Variants in CARD6 observed in about 807,000 individuals in gnomAD.
CARD6 encodes caspase recruitment domain family member 6.
In CARD6, 27 loss-of-function variants were observed where a neutral mutation model predicts 23.6. That is an observed-to-expected ratio of 1.14 (90% CI 0.84 to 1.58). The LOEUF (loss-of-function observed/expected upper bound fraction) is 1.58. CARD6 is among the 40% of genes most tolerant of loss of function. The pLI, the probability that CARD6 is intolerant of heterozygous loss-of-function variation, is 0.00. For synonymous variants in CARD6, 397 were observed against 431.8 expected, an observed-to-expected ratio of 0.92 and a Z score of 1.00; for missense variants, 1,214 against 1,209.9, an observed-to-expected ratio of 1.00 and a Z score of -0.05.
chr5:40,843,665 A>AAACC lies in CARD6; in HGVS notation c.799_802dup (p.Ser268AsnfsTer21). The stretch of plus-strand genomic sequence containing the variant: ...GAAGAACCAAGTTATGAGGGATCAG[A>AAACC]AACCAGCCTTTCATTGGAGGAGGAA... On this transcript the variant is annotated frameshift_variant, in exon 2 of 3. Transcript: ENST00000254691. LOFTEE classifies it low-confidence loss of function (END_TRUNC). The AAACC allele has an allele frequency of 6.4e-7, 1 of 1,561,994 alleles. No individual in the cohort carries two copies. Among genetic ancestry groups the AAACC allele is most frequent in the African/African-American group, 1.4e-5 (1 of 72,462 alleles).
Position 40,853,703 on chromosome 5 carries a change from C to G in CARD6, c.2371C>G (p.Gln791Glu). ...KSFGIQSFHP[Q>E]IFYSGERFMK... ...TTTTGGTATTCAATCCTTCCATCCC[C>G]AGATATTTTATTCAGGTGAAAGATT... The change falls in exon 3 of 3, where the codon CAG becomes GAG. Residue 791 changes from glutamine (Q) to glutamate (E), a missense_variant. Coordinates refer to ENST00000254691, the MANE Select transcript of CARD6 (RefSeq NM_032587.4). 6.2e-7 allele frequency: 1 copy of G among 1,614,152 alleles called. No homozygotes were observed. The highest frequency in any genetic ancestry group is 8.5e-7 in the Non-Finnish European group (1 of 1,180,032).
intron 1 of CARD6, among the ~76,000 whole-genome samples, chr5:40,842,890 T>C (rs1745886942): frequency 6.6e-6 from 1 of 152,068 alleles, no homozygotes; most frequent in African/African-American, 2.4e-5. Flanking sequence ...ATACAAAAAT[T>C]AGCTGGGCAT....
chr5:40,844,244 A>T (rs566236999), intron 2 of CARD6, among the ~76,000 whole-genome samples: 26 of 152,142 alleles, frequency 1.7e-4, no homozygotes, highest in African/African-American at 3.1e-4. Context: ...TTCTTTATTT[A>T]AAAAAAATTT....
chr5:40,851,229 C>T (rs1351441882), intron 2 of CARD6, among the ~76,000 whole-genome samples: 1 of 151,764 alleles, frequency 6.6e-6, no homozygotes, highest in African/African-American at 2.4e-5. Flanking sequence ...ACTCGGGAGG[C>T]TGAGGCTGGG....
chr5:40,845,357 GC>G (rs1745949211), intron 2 of CARD6, among the ~76,000 whole-genome samples: 1 of 152,134 alleles, frequency 6.6e-6, no homozygotes, highest in Non-Finnish European at 1.5e-5. Context: ...TTGGATTAGG[GC>G]CCACCCTAAT....
chr5:40,853,671 G>C lies in CARD6; in HGVS notation c.2339G>C (p.Gly780Ala). The C allele has an allele frequency of 6.2e-7, 1 of 1,614,206 alleles. No homozygotes were observed. The highest frequency in any genetic ancestry group is 8.5e-7 in the Non-Finnish European group (1 of 1,180,038). Residue 780 changes from glycine (G) to alanine (A), a missense_variant, in exon 3 of 3, where the codon GGT becomes GCT. Gly to Ala is a moderately conservative substitution (Grantham distance 60). Coordinates refer to ENST00000254691, the MANE Select transcript of CARD6 (RefSeq NM_032587.4). ...PFQNAGAQGR[G>A]KSFGIQSFHP... is the part of the protein sequence containing the mutation. Reference sequence around the variant, plus strand: ...CAGAATGCAGGGGCCCAGGGCCGAGGTAAAAGTTTTGGTATTCAATCCTTC... The same window carrying C: ...CAGAATGCAGGGGCCCAGGGCCGAGCTAAAAGTTTTGGTATTCAATCCTTC...
Position 40,852,692 on chromosome 5 carries a change from G to A in CARD6, c.1360G>A (p.Val454Ile). The stretch of plus-strand genomic sequence containing the variant: ...GTTTCTGACTCTCATGAAGATGCCT[G>A]TCATCTCTTTTGTGCGTCTAGGATA... The part of the protein sequence containing the change: ...EKFLTLMKMP[V>I]ISFVRLGYCS... The change falls in exon 3 of 3, where the codon GTC (valine) becomes ATC (isoleucine). Residue 454 changes from valine to isoleucine, a missense_variant. Physicochemically the swap from Val to Ile is conservative, Grantham distance 29. Coordinates refer to ENST00000254691, the MANE Select transcript of CARD6 (RefSeq NM_032587.4). 6.2e-7 allele frequency: 1 copy of A among 1,614,112 alleles called. No individual in the cohort carries two copies. The highest frequency in any genetic ancestry group is 8.5e-7 in the Non-Finnish European group (1 of 1,180,014).
chr5:40,851,792 G>A (rs1322713247), intron 2 of CARD6, among the ~76,000 whole-genome samples: 1 of 152,030 alleles, frequency 6.6e-6, no homozygotes, highest in African/African-American at 2.4e-5. Flanking sequence ...CTCCAGCCTG[G>A]GTGACAGTTT....
chr5:40,841,802 A>G (rs1745866666), intron 1 of CARD6, 137 bp downstream of exon 1: 1 of 737,258 alleles, frequency 1.4e-6, no homozygotes, highest in Admixed American at 3.4e-5. Flanking sequence ...GAAATATGAA[A>G]TAGGGAAAAA....
Position 40,855,329 on chromosome 5 carries a change from C to A in CARD6, c.*883C>A, listed in dbSNP as rs1400291065. ...TAGGTAGAAATAATGAATTAACAAC[C>A]AATAAAATTAATCATTTGGCATTAA... On this transcript the variant is annotated 3_prime_UTR_variant, in exon 3 of 3. Coordinates refer to ENST00000254691, the MANE Select transcript of CARD6 (RefSeq NM_032587.4). 2 of 152,278 alleles carry A rather than the reference C, an allele frequency of 1.3e-5. No individual in the cohort carries two copies. The highest frequency in any genetic ancestry group is 4.8e-5 in the African/African-American group (2 of 41,426). The allele number at this position is 152,278 out of a possible 1,614,324, so 9.4% of individuals were successfully genotyped here. A position where few individuals can be genotyped will look rare whatever the true frequency, so the allele number is the denominator to read the frequency against.
chr5:40,852,844 G>C lies in CARD6; in HGVS notation c.1512G>C (p.Leu504=), dbSNP rs1746098090. The change falls in exon 3 of 3, where the codon CTG becomes CTC. Residue 504 remains leucine, a synonymous_variant. Transcript: ENST00000254691. ...TTCCCCGGCAAATCTCTGATGGCCTGGTTGAGATAACATGGTGTTTTCCTG... is the reference window on the plus strand; with the variant it reads ...TTCCCCGGCAAATCTCTGATGGCCTCGTTGAGATAACATGGTGTTTTCCTG... The part of the protein sequence containing the change: ...LVLPRQISDG[L]VEITWCFPDS... The C allele has an allele frequency of 2.5e-6, 4 of 1,614,164 alleles. No homozygotes were observed. Among genetic ancestry groups the C allele is most frequent in the Non-Finnish European group, 3.4e-6 (4 of 1,180,022 alleles).
Position 40,852,658 on chromosome 5 carries a change from T to C in CARD6, c.1326T>C (p.Asp442=), listed in dbSNP as rs765651097. The change falls in exon 3 of 3, where the codon GAT becomes GAC. Residue 442 remains aspartate (D), a synonymous_variant. Transcript: ENST00000254691. ...AGTTTTCAGGGGGGCCTACAGAGGA[T>C]ACAGAAAAGTTTCTGACTCTCATGA... is the stretch of plus-strand genomic sequence containing the variant. ...STQFSGGPTE[D]TEKFLTLMKM... is the part of the protein sequence containing the mutation. The C allele has an allele frequency of 1.2e-6, 2 of 1,614,204 alleles. No homozygotes were observed. The highest frequency in any genetic ancestry group is 1.7e-6 in the Non-Finnish European group (2 of 1,180,034).
chr5:40,847,386 G>T (rs1745983484), intron 2 of CARD6, among the ~76,000 whole-genome samples: 1 of 152,096 alleles, frequency 6.6e-6, no homozygotes, highest in East Asian at 1.9e-4. Flanking sequence ...GCTTGTTGTT[G>T]GGTTCAACCA....
chr5:40,849,989 A>G lies in CARD6; in HGVS notation c.842-2185A>G, dbSNP rs559767215. Among the ~76,000 whole-genome samples, 14 of 152,016 alleles carry G rather than the reference A, an allele frequency of 9.2e-5. No homozygotes were observed. The South Asian group carries it at 2.5e-3, about 27-fold the overall frequency. ...TACAAGACCCTGTCTCAAAAAAAAA[A>G]AGTAGGTAGAAGATAGTTTGGAAAA... is the stretch of plus-strand genomic sequence containing the variant. On this transcript the variant is annotated intron_variant, in intron 2 of 2. Coordinates refer to ENST00000254691, the MANE Select transcript of CARD6 (RefSeq NM_032587.4).
At chr5:40,850,798 A>T (rs565336964) in intron 2 of CARD6, among the ~76,000 whole-genome samples, 29 of 151,732 alleles carry the variant, frequency 1.9e-4, no homozygotes, top group African/African-American at 6.8e-4. Flanking sequence ...TAACATTAAT[A>T]AATTTTTTTT....
chr5:40,853,967 A>G lies in CARD6; in HGVS notation c.2635A>G (p.Thr879Ala), dbSNP rs754569261. 2.5e-6 allele frequency: 4 copies of G among 1,614,216 alleles called. No individual in the cohort carries two copies. In the South Asian group the frequency reaches 4.4e-5, roughly 18 times the overall value. ...QQACTRVTEL[T>A]EATGKLIRTS... Reference sequence around the variant, plus strand: ...AGCTTGCACCAGGGTAACAGAGTTAACTGAAGCAACTGGAAAACTGATAAG... The same window carrying G: ...AGCTTGCACCAGGGTAACAGAGTTAGCTGAAGCAACTGGAAAACTGATAAG... Residue 879 changes from threonine to alanine, a missense_variant, in exon 3 of 3, where the codon ACT becomes GCT. By Grantham distance (58) the Thr-to-Ala change is moderately conservative. Transcript: ENST00000254691.
chr5:40,851,916 G>C (rs1316707544), intron 2 of CARD6, among the ~76,000 whole-genome samples: 1 of 151,636 alleles, frequency 6.6e-6, no homozygotes, highest in Non-Finnish European at 1.5e-5. Context: ...TTTCGCTTGA[G>C]ATCAGTTCAG....
At position 40,852,646 on chromosome 5, in the gene CARD6, GC is replaced by G; in HGVS notation, c.1316del (p.Pro439LeufsTer9). Reference sequence around the variant, plus strand: ...AGCAGTCAACACAGTTTTCAGGGGGGCCTACAGAGGATACAGAAAAGTTTCT... The same window carrying G: ...AGCAGTCAACACAGTTTTCAGGGGGGCTACAGAGGATACAGAAAAGTTTCT... Reference protein sequence around the residue: ...KKQSTQFSGGPTEDTEKFLTL... With the variant: ...KKQSTQFSGGXTEDTEKFLTL... On this transcript the variant is annotated frameshift_variant, in exon 3 of 3. Transcript: ENST00000254691. LOFTEE classifies it low-confidence loss of function (END_TRUNC). 1 of 1,614,164 alleles carries G rather than the reference GC, an allele frequency of 6.2e-7. No homozygotes were observed. Among genetic ancestry groups the G allele is most frequent in the Non-Finnish European group, 8.5e-7 (1 of 1,180,020 alleles).
Position 40,843,664 on chromosome 5 carries a change from G to A in CARD6, c.796G>A (p.Glu266Lys), listed in dbSNP as rs574714745. ...SGEEPSYEGS[E>K]TSLSLEEEQE... ...TGAAGAACCAAGTTATGAGGGATCA[G>A]AAACCAGCCTTTCATTGGAGGAGGA... The change falls in exon 2 of 3, where the codon GAA (glutamate) becomes AAA (lysine). Residue 266 changes from glutamate to lysine, a missense_variant. Physicochemically the swap from Glu to Lys is moderately conservative, Grantham distance 56. Coordinates refer to ENST00000254691, the MANE Select transcript of CARD6 (RefSeq NM_032587.4). The A allele has an allele frequency of 1.3e-6, 2 of 1,561,972 alleles. No homozygotes were observed. Among genetic ancestry groups the A allele is most frequent in the Admixed American group, 4.3e-5 (2 of 46,302 alleles).
Sources: allele counts gnomAD v4.1 joint callset (sites outside exome capture counted in the v4.1 genomes callset), GRCh38; gene constraint gnomAD v4.1.1; transcripts MANE v1.5; gene names NCBI Gene and HGNC (gene_info 2026-07-23, HGNC 2026-07-21).